Variants in PDE5A observed in about 807,000 individuals in gnomAD.
The protein encoded by PDE5A is phosphodiesterase 5A.
PDE5A carries 67 observed loss-of-function variants against 110.2 expected under a neutral mutation model. That is an observed-to-expected ratio of 0.61 (90% confidence interval 0.50 to 0.75). The LOEUF is 0.75. Among genes scored for constraint, PDE5A ranks in the 30% least tolerant of loss-of-function variants. The pLI is 0.00. For missense variants in PDE5A, 862 were observed against 1,045.1 expected (o/e 0.82, Z 2.42); for synonymous variants, 328 against 351.2 (o/e 0.93, Z 0.74).
chr4:119,524,829 T>C (rs1726250093), intron 12 of PDE5A, among the ~76,000 whole-genome samples: 1 of 151,396 alleles, frequency 6.6e-6, no homozygotes, highest in Non-Finnish European at 1.5e-5. Context: ...TGATGCTATA[T>C]ATTATAATAC....
chr4:119,596,458 A>G, intron 3 of PDE5A, 65 bp downstream of exon 3: 1 of 835,550 alleles, frequency 1.2e-6, no homozygotes, highest in Admixed American at 2.4e-5. Flanking sequence ...CAAAGTAAAT[A>G]CAAAATATTT....
At chr4:119,615,220 C>A (rs1729894771) in intron 1 of PDE5A, among the ~76,000 whole-genome samples, 1 of 152,140 alleles carries the variant, frequency 6.6e-6, no homozygotes, top group Admixed American at 6.6e-5. Flanking sequence ...TGCCCTTCAA[C>A]TTCCTCATTT....
intron 3 of PDE5A, among the ~76,000 whole-genome samples, chr4:119,577,921 T>C (rs1728423498): frequency 6.6e-6 from 1 of 152,164 alleles, no homozygotes; most frequent in African/African-American, 2.4e-5. Flanking sequence ...ATGGCATGAT[T>C]ATGTATCTAG....
At chr4:119,551,859 A>C (rs997705259) in intron 9 of PDE5A, 1 of 152,168 alleles carries the variant, frequency 6.6e-6, no homozygotes, top group African/African-American at 2.4e-5. Context: ...TTAACCTTTA[A>C]AAAGTTATCA....
At position 119,525,469 on chromosome 4, in the gene PDE5A, G is replaced by T; in HGVS notation, c.1779+80C>A. On this transcript the variant is annotated intron_variant, in intron 12 of 20. Transcript: ENST00000354960. The surrounding 1 kb of genome is among the most constrained non-coding windows in gnomAD (Gnocchi z 4.3). ...ATGTAAAAATCCCTATTCCATATTT[G>T]CATTCAAAACCAATTCTCTCTCTTA... 7.7e-7 allele frequency: 1 copy of T among 1,305,962 alleles called. No homozygotes were observed. Among genetic ancestry groups the T allele is most frequent in the Non-Finnish European group, 1.1e-6 (1 of 944,980 alleles). The allele number at this position is 1,305,962 out of a possible 1,614,324, so 80.9% of individuals were successfully genotyped here. A position where few individuals can be genotyped will look rare whatever the true frequency, so the allele number is the denominator to read the frequency against.
At chr4:119,620,871 T>C (rs763772277) in intron 1 of PDE5A, among the ~76,000 whole-genome samples, 10 of 152,220 alleles carry the variant, frequency 6.6e-5, no homozygotes, top group Non-Finnish European at 1.2e-4. Context: ...TATGCTGTGC[T>C]AGAGGAATAA....
chr4:119,595,702 C>G (rs1455081835), intron 3 of PDE5A, among the ~76,000 whole-genome samples: 1 of 152,246 alleles, frequency 6.6e-6, no homozygotes, highest in Non-Finnish European at 1.5e-5. Context: ...CAGCCTCAGA[C>G]TGAATTACAC....
chr4:119,512,992 T>C (rs1344584849), intron 14 of PDE5A: 3 of 152,128 alleles, frequency 2.0e-5, no homozygotes, highest in African/African-American at 7.2e-5. Flanking sequence ...TAATTTTTTT[T>C]AGTTTATTAT....
At chr4:119,578,177 G>A (rs1336340860) in intron 3 of PDE5A, among the ~76,000 whole-genome samples, 3 of 152,122 alleles carry the variant, frequency 2.0e-5, no homozygotes, top group African/African-American at 7.2e-5. Flanking sequence ...ACTGCTCAAT[G>A]AAATAAAAGA....
intron 1 of PDE5A, chr4:119,628,090 CG>C (rs1487035394): frequency 2.1e-6 from 2 of 963,266 alleles, no homozygotes; most frequent in African/African-American, 3.5e-5. Context: ...CGAGGGGGGA[CG>C]GGGGAGGAGC....
intron 2 of PDE5A, among the ~76,000 whole-genome samples, chr4:119,602,878 A>G (rs1221775857): frequency 6.6e-6 from 1 of 152,216 alleles, no homozygotes; most frequent in East Asian, 1.9e-4. Context: ...AAGACCCTCT[A>G]AGTTTTCTCT....
Position 119,596,619 on chromosome 4 carries a change from T to A in PDE5A, c.742-7A>T, listed in dbSNP as rs200678800. The A allele has an allele frequency of 1.3e-6, 2 of 1,526,868 alleles. No individual in the cohort carries two copies. The highest frequency in any genetic ancestry group is 1.8e-5 in the Admixed American group (1 of 54,810). 94.6% of individuals were successfully genotyped at this position (1,526,868 alleles called of 1,614,324 possible). A position where few individuals can be genotyped will look rare whatever the true frequency, so the allele number is the denominator to read the frequency against. On this transcript the variant is annotated splice_polypyrimidine_tract_variant and splice_region_variant and intron_variant, in intron 2 of 20. Transcript: ENST00000354960. ...CTGCATTGAACCGAGGATCCTAGTATGGAAAAAGAAATTCAATTTAATGAC... is the reference window on the plus strand; with the variant it reads ...CTGCATTGAACCGAGGATCCTAGTAAGGAAAAAGAAATTCAATTTAATGAC...
At chr4:119,602,353 A>G (rs933670953) in intron 2 of PDE5A, among the ~76,000 whole-genome samples, 1 of 152,212 alleles carries the variant, frequency 6.6e-6, no homozygotes, top group Non-Finnish European at 1.5e-5. Flanking sequence ...GAATCTGGGT[A>G]AAGGGTGTAT....
At position 119,576,768 on chromosome 4, in the gene PDE5A, A is replaced by G. The variant is rs188748921; in HGVS notation, c.832-9624T>C. On this transcript the variant is annotated intron_variant, in intron 3 of 20. Transcript: ENST00000354960. Reference sequence around the variant, plus strand: ...CTAAAATTGACACCCTAACACCACAATTAAAAGAACAAGAGAAGCAAGAGC... The same window carrying G: ...CTAAAATTGACACCCTAACACCACAGTTAAAAGAACAAGAGAAGCAAGAGC... Among the ~76,000 whole-genome samples the G allele has an allele frequency of 1.0e-2, 1,519 of 152,330 alleles. 26 individuals carry two copies. The highest frequency in any genetic ancestry group is 0.014 in the Middle Eastern group (4 of 294).
chr4:119,598,484 A>G (rs1279806807), intron 2 of PDE5A, among the ~76,000 whole-genome samples: 1 of 152,216 alleles, frequency 6.6e-6, no homozygotes. Context: ...AAAATGGAAC[A>G]CTACAATCAT....
chr4:119,587,125 C>T (rs1481647143), intron 3 of PDE5A, among the ~76,000 whole-genome samples: 1 of 152,122 alleles, frequency 6.6e-6, no homozygotes, highest in Non-Finnish European at 1.5e-5. Context: ...AACCTCAAGT[C>T]CAGAACAAAC....
At chr4:119,521,754 C>T (rs534662113) in intron 12 of PDE5A, among the ~76,000 whole-genome samples, 4 of 151,674 alleles carry the variant, frequency 2.6e-5, no homozygotes, top group Admixed American at 2.0e-4. Context: ...AAAAGATGGC[C>T]GGGGGCAGGA....
chr4:119,619,069 T>C (rs1278610568), intron 1 of PDE5A, among the ~76,000 whole-genome samples: 1 of 152,166 alleles, frequency 6.6e-6, no homozygotes, highest in Non-Finnish European at 1.5e-5. Context: ...AATACCAGCA[T>C]TGCAAAGAGT....
Position 119,511,463 on chromosome 4 carries a change from T to C in PDE5A, c.2001-329A>G, listed in dbSNP as rs1725741427. On this transcript the variant is annotated intron_variant, in intron 14 of 20. Coordinates refer to ENST00000354960, the MANE Select transcript of PDE5A (RefSeq NM_001083.4). ...ATGGAAAAAAACCCTCTGAAATAGTTGTACCAATTATATTTTTCAATTTCA... is the reference window on the plus strand; with the variant it reads ...ATGGAAAAAAACCCTCTGAAATAGTCGTACCAATTATATTTTTCAATTTCA... Among the ~76,000 whole-genome samples, 5 of 152,230 alleles carry C rather than the reference T, an allele frequency of 3.3e-5. No individual in the cohort carries two copies. In the South Asian group the frequency reaches 1.0e-3, roughly 32 times the overall value.
Sources: allele counts gnomAD v4.1 joint callset (sites outside exome capture counted in the v4.1 genomes callset), GRCh38; gene constraint gnomAD v4.1.1; non-coding constraint Gnocchi (gnomAD v3.1); transcripts MANE v1.5; gene names NCBI Gene and HGNC (gene_info 2026-07-23, HGNC 2026-07-21).